Variants in IQGAP2 observed in about 807,000 individuals in gnomAD.
IQGAP2 encodes IQ motif containing GTPase activating protein 2.
A neutral mutation model predicts 201.3 loss-of-function variants in IQGAP2; 173 were observed. That is an observed-to-expected ratio of 0.86 (90% CI 0.76 to 0.98). IQGAP2 has a LOEUF of 0.98. IQGAP2 is among the 50% of genes least tolerant of loss of function. The pLI, the probability that IQGAP2 is intolerant of heterozygous loss-of-function variation, is 0.00. For synonymous variants in IQGAP2, 675 were observed against 673.9 expected (o/e 1.00, Z -0.03); for missense variants, 1,687 against 1,864.8 (o/e 0.90, Z 1.76).
chr5:76,507,958 G>A lies in IQGAP2; in HGVS notation c.146+46289G>A, dbSNP rs144652351. 6.9e-3 allele frequency among the ~76,000 whole-genome samples: 1,003 copies of A among 144,396 alleles called. 10 individuals are homozygous for A. Among genetic ancestry groups the A allele is most frequent in the African/African-American group, 0.023 (895 of 38,288 alleles). 94.7% of individuals were successfully genotyped at this position (144,396 alleles called of 152,430 possible). A position where few individuals can be genotyped will look rare whatever the true frequency, so the allele number is the denominator to read the frequency against. On this transcript the variant is annotated intron_variant, in intron 2 of 35. Coordinates refer to ENST00000274364, the MANE Select transcript of IQGAP2 (RefSeq NM_006633.5). ...TGGGAGGTTGCAGTGAGCCAAGATC[G>A]CGCCACTGCACCCCAGCCTGGGTGA...
intron 35 of IQGAP2, among the ~76,000 whole-genome samples, chr5:76,706,966 C>T (rs945825532): frequency 6.6e-6 from 1 of 152,144 alleles, no homozygotes; most frequent in South Asian, 2.1e-4. Flanking sequence ...GTTTTAGAAC[C>T]CCCATCTATG....
At chr5:76,609,218 G>T in intron 12 of IQGAP2, 1 of 1,535,916 alleles carries the variant, frequency 6.5e-7, no homozygotes, top group South Asian at 1.2e-5. Flanking sequence ...TTTTTGGATG[G>T]GGTGTTTTAA....
chr5:76,636,996 C>CATTAACCCTTAA, intron 15 of IQGAP2, 38 bp from the exon 16 acceptor site: 1 of 1,522,360 alleles, frequency 6.6e-7, no homozygotes. Context: ...TAAGGGTTCA[C>CATTAACCCTTAA]TGTGTCTGTG....
chr5:76,619,383 A>T (rs554443871), intron 13 of IQGAP2, among the ~76,000 whole-genome samples: 1 of 152,332 alleles, frequency 6.6e-6, no homozygotes, highest in East Asian at 1.9e-4. Flanking sequence ...TTTTGAACAG[A>T]GGAATGACCA....
chr5:76,557,485 C>T (rs751168947), intron 2 of IQGAP2, among the ~76,000 whole-genome samples: 15 of 152,012 alleles, frequency 9.9e-5, no homozygotes, highest in Non-Finnish European at 1.9e-4. Flanking sequence ...ACTTTCAAGG[C>T]AGAGAAAAAG....
chr5:76,650,666 A>G (rs2150424712), intron 17 of IQGAP2, among the ~76,000 whole-genome samples: 1 of 152,310 alleles, frequency 6.6e-6, no homozygotes, highest in Non-Finnish European at 1.5e-5. Context: ...GTACATGTGC[A>G]CAACGTGCAG....
chr5:76,671,000 C>T (rs560119282), intron 23 of IQGAP2, among the ~76,000 whole-genome samples: 3 of 152,174 alleles, frequency 2.0e-5, no homozygotes, highest in Non-Finnish European at 4.4e-5. Context: ...CAGTGGCTCA[C>T]GCCTGTAATC....
intron 1 of IQGAP2, among the ~76,000 whole-genome samples, chr5:76,449,821 T>A (rs1450621016): frequency 6.6e-6 from 1 of 152,156 alleles, no homozygotes; most frequent in African/African-American, 2.4e-5. Flanking sequence ...ACATGTGGCA[T>A]GAGGGAATTT....
At chr5:76,687,412 A>G (rs1252273280) in intron 30 of IQGAP2, among the ~76,000 whole-genome samples, 1 of 152,276 alleles carries the variant, frequency 6.6e-6, no homozygotes, top group African/African-American at 2.4e-5. Flanking sequence ...TTTAAAGTAC[A>G]TATTTGAAAA....
chr5:76,617,413 GA>G (rs1749085049), intron 13 of IQGAP2: 1 of 597,282 alleles, frequency 1.7e-6, no homozygotes, highest in African/African-American at 1.9e-5. Flanking sequence ...GATAAAGTGA[GA>G]CTCAGTCTCA....
chr5:76,456,263 T>G (rs1194703478), intron 1 of IQGAP2, among the ~76,000 whole-genome samples: 2 of 152,224 alleles, frequency 1.3e-5, no homozygotes, highest in Non-Finnish European at 2.9e-5. Context: ...GGCAGTCTCT[T>G]TCATCGTTTC....
At chr5:76,453,975 T>C (rs1269548206) in intron 1 of IQGAP2, among the ~76,000 whole-genome samples, 3 of 152,226 alleles carry the variant, frequency 2.0e-5, no homozygotes, top group Non-Finnish European at 4.4e-5. Context: ...CACTTCATTC[T>C]TTCTTACTGA....
chr5:76,693,361 G>A lies in IQGAP2; in HGVS notation c.3912G>A (p.Lys1304=), dbSNP rs1746443747. 5.0e-6 allele frequency: 8 copies of A among 1,612,374 alleles called. No individual in the cohort carries two copies. The highest frequency in any genetic ancestry group is 6.8e-6 in the Non-Finnish European group (8 of 1,179,012). ...CTTTCTCTGGTTTGTTAAGGACCAA[G>A]AAGCTGATAATTGATGTGATCCGGA... is the stretch of plus-strand genomic sequence containing the variant. The part of the protein sequence containing the change: ...IDSRSLMIKT[K]KLIIDVIRNQ... Residue 1304 remains lysine (K), a synonymous_variant, in exon 31 of 36, where the codon AAG becomes AAA. Transcript: ENST00000274364.
chr5:76,549,355 C>A (rs1357010108), intron 2 of IQGAP2, among the ~76,000 whole-genome samples: 1 of 148,424 alleles, frequency 6.7e-6, no homozygotes, highest in Admixed American at 6.8e-5. Context: ...GTGCTTTCAA[C>A]CATTGTGTTA....
chr5:76,617,870 G>A, intron 13 of IQGAP2: 1 of 1,614,088 alleles, frequency 6.2e-7, no homozygotes, highest in Non-Finnish European at 8.5e-7. Flanking sequence ...CATAGCAGTA[G>A]ATGATAAGCA....
intron 2 of IQGAP2, chr5:76,510,701 A>C (rs532661562): frequency 3.2e-5 from 17 of 534,294 alleles, no homozygotes; most frequent in South Asian, 2.4e-4. Context: ...CCAGACTGCC[A>C]AGCTTGTCCA....
At chr5:76,619,915 G>T (rs555956035) in intron 13 of IQGAP2, among the ~76,000 whole-genome samples, 1 of 152,126 alleles carries the variant, frequency 6.6e-6, no homozygotes, top group Non-Finnish European at 1.5e-5. Flanking sequence ...GGTTGTCAAA[G>T]TCAGAGATTT....
intron 2 of IQGAP2, among the ~76,000 whole-genome samples, chr5:76,513,462 G>A (rs62361963): frequency 0.056 from 8,488 of 152,256 alleles, 268 homozygotes; most frequent in African/African-American, 0.088. Flanking sequence ...TTGCGTATAT[G>A]TATAAAATTC....
intron 1 of IQGAP2, among the ~76,000 whole-genome samples, chr5:76,457,848 A>G (rs750170317): frequency 3.3e-5 from 5 of 152,224 alleles, no homozygotes; most frequent in Non-Finnish European, 5.9e-5. Flanking sequence ...ATAGAATGCA[A>G]TTGCTTTGAA....
Sources: allele counts gnomAD v4.1 joint callset (sites outside exome capture counted in the v4.1 genomes callset), GRCh38; gene constraint gnomAD v4.1.1; transcripts MANE v1.5; gene names NCBI Gene and HGNC (gene_info 2026-07-23, HGNC 2026-07-21).